The following MILR1 variants were observed in gnomAD, a reference collection of about 807,000 sequenced individuals.
MILR1 encodes mast cell immunoglobulin like receptor 1.
In MILR1, 31 loss-of-function variants were observed where a neutral mutation model predicts 18.5. The ratio of observed to expected loss-of-function variants is 1.68; its 90% CI spans 1.26 to 2.26. The LOEUF (loss-of-function observed/expected upper bound fraction) is 2.26. MILR1 is among the 30% of genes most tolerant of loss of function. MILR1 has a pLI of 0.00. For missense variants in MILR1, 257 were observed against 157.4 expected (o/e 1.63, Z -3.38); for synonymous variants, 85 against 56.2 (o/e 1.51, Z -2.30).
chr17:64,486,361 C>CTTTTTT, the MILR1 span, among the ~76,000 whole-genome samples: 13 of 141,264 alleles, frequency 9.2e-5, no homozygotes, highest in South Asian at 2.3e-4. Flanking sequence ...AAAGGTAACA[C>CTTTTTT]TTTTTTTTTT....
At chr17:64,473,286 G>C (rs2037717844), downstream of MILR1, among the ~76,000 whole-genome samples, 1 of 151,442 alleles carries the variant, frequency 6.6e-6, no homozygotes, top group African/African-American at 2.4e-5. Flanking sequence ...GGGAGGCGGA[G>C]CTTGCAGTGA....
intron 5 of MILR1, among the ~76,000 whole-genome samples, chr17:64,462,402 A>G (rs1326211169): frequency 3.3e-5 from 5 of 152,144 alleles, no homozygotes; most frequent in African/African-American, 1.2e-4. Context: ...GGGCGCTGCA[A>G]GTGGTGCGGC....
chr17:64,471,359 G>A (rs12600476), downstream of MILR1, among the ~76,000 whole-genome samples: 185 of 152,130 alleles, frequency 1.2e-3, 2 homozygotes, highest in East Asian at 2.9e-3. Flanking sequence ...TTATCCACTG[G>A]TGTCCAACGC....
the MILR1 span, among the ~76,000 whole-genome samples, chr17:64,475,095 A>C: frequency 6.6e-6 from 1 of 151,122 alleles, no homozygotes; most frequent in Non-Finnish European, 1.5e-5. Context: ...AGGCTGAGGC[A>C]GGGAGGCTTT....
At chr17:64,488,744 T>C in the MILR1 span, among the ~76,000 whole-genome samples, 8 of 152,256 alleles carry the variant, frequency 5.3e-5, no homozygotes, top group South Asian at 1.0e-3. Flanking sequence ...TTCTAGTTTT[T>C]CATTAGTTAT....
rs1182878711 is a variant in MILR1 at position 64,466,487 on chromosome 17, C to T, written c.899C>T (p.Thr300Ile). ...GTGGGATCCAGGCCGTGTGTTTCCA[C>T]AGCCCAAGATGGTGAGCATGTTCTG... is the stretch of plus-strand genomic sequence containing the variant. ...PEVGSRPCVSTAQDEAKHSQE... is the reference protein window; with the variant it reads ...PEVGSRPCVSIAQDEAKHSQE... The change falls in exon 7 of 10, where the codon ACA (threonine) becomes ATA (isoleucine). Residue 300 changes from threonine (T) to isoleucine (I), a missense_variant. By Grantham distance (89) the Thr-to-Ile change is moderately conservative. Transcript: ENST00000619286. 8 of 1,613,688 alleles carry T rather than the reference C, an allele frequency of 5.0e-6. No individual in the cohort carries two copies. The African/African-American group carries it at 5.3e-5, about 11-fold the overall frequency.
chr17:64,466,432 C>A lies in MILR1; in HGVS notation c.854-10C>A. On this transcript the variant is annotated splice_polypyrimidine_tract_variant and intron_variant, in intron 6 of 9. Coordinates refer to ENST00000619286, the MANE Select transcript of MILR1 (RefSeq NM_001085423.2). ...ACCAACCCCCAATTTATGTCATTCT[C>A]ATTTTACAGAGGAGGAATCTGTGCC... is the stretch of plus-strand genomic sequence containing the variant. 6.2e-7 allele frequency: 1 copy of A among 1,612,546 alleles called. No individual in the cohort carries two copies.
chr17:64,483,721 CTT>C, the MILR1 span, among the ~76,000 whole-genome samples: 4 of 137,218 alleles, frequency 2.9e-5, no homozygotes, highest in Admixed American at 1.5e-4. Flanking sequence ...ATGAAATTTG[CTT>C]TTTTTTTTTT....
chr17:64,464,378 G>T (rs928919903), intron 5 of MILR1, among the ~76,000 whole-genome samples: 1 of 151,054 alleles, frequency 6.6e-6, no homozygotes, highest in African/African-American at 2.4e-5. Flanking sequence ...CCAAAGTGCT[G>T]GGATTACAGT....
At chr17:64,462,364 G>C (rs2037450700) in intron 5 of MILR1, among the ~76,000 whole-genome samples, 1 of 152,104 alleles carries the variant, frequency 6.6e-6, no homozygotes, top group Admixed American at 6.6e-5. Flanking sequence ...ACAAGTTTAA[G>C]GCCTGTGAAC....
chr17:64,490,883 G>C, the MILR1 span: 49 of 1,613,520 alleles, frequency 3.0e-5, no homozygotes, highest in East Asian at 1.0e-3. Flanking sequence ...CCTTTCCCCA[G>C]GGAAAATTGT....
At chr17:64,472,253 G>T (rs149953229), downstream of MILR1, among the ~76,000 whole-genome samples, 1,696 of 152,016 alleles carry the variant, frequency 0.011, 30 homozygotes, top group African/African-American at 0.039. Flanking sequence ...GATCACCTGA[G>T]GTTGGGAGTT....
At chr17:64,473,362 AAAAAG>A (rs1555664975), downstream of MILR1, among the ~76,000 whole-genome samples, 1 of 146,232 alleles carries the variant, frequency 6.8e-6, no homozygotes. Flanking sequence ...AAAAAAAAAA[AAAAAG>A]AAGAAGTTAT....
chr17:64,465,809 A>G (rs1269872597), intron 6 of MILR1, among the ~76,000 whole-genome samples: 1 of 152,124 alleles, frequency 6.6e-6, no homozygotes, highest in Non-Finnish European at 1.5e-5. Flanking sequence ...TTTTCATGTA[A>G]CAACGTATCT....
the MILR1 span, chr17:64,480,390 C>T: frequency 6.8e-7 from 1 of 1,480,974 alleles, no homozygotes; most frequent in Non-Finnish European, 9.4e-7. Context: ...CTTGACAAAC[C>T]TAGAAAGAAA....
At chr17:64,468,979 T>C (rs990671340), downstream of MILR1, among the ~76,000 whole-genome samples, 18 of 151,688 alleles carry the variant, frequency 1.2e-4, no homozygotes, top group East Asian at 2.0e-4. Context: ...TCCATCTACT[T>C]AGGAGGCTGA....
Position 64,467,554 on chromosome 17 carries a change from T to C in MILR1, c.980-11T>C, listed in dbSNP as rs1555663676. 1 of 1,481,800 alleles carries C rather than the reference T, an allele frequency of 6.7e-7. No individual in the cohort carries two copies. 91.8% of individuals were successfully genotyped at this position (1,481,800 alleles called of 1,614,324 possible). The stretch of plus-strand genomic sequence containing the variant: ...TATCCTAAGTAAATTATTTTCCCTT[T>C]TATATTTCAGAAGCCTGTGATTCTT... On this transcript the variant is annotated splice_polypyrimidine_tract_variant and intron_variant, in intron 8 of 9. Coordinates refer to ENST00000619286, the MANE Select transcript of MILR1 (RefSeq NM_001085423.2).
In MILR1 at chr17:64,453,109, C is replaced by T. The variant is rs1457584453; in HGVS notation, c.367+243C>T. On this transcript the variant is annotated intron_variant, in intron 3 of 9. Coordinates refer to ENST00000619286, the MANE Select transcript of MILR1 (RefSeq NM_001085423.2). The stretch of plus-strand genomic sequence containing the variant: ...TTTGAAACAGAGTCTCACTCAGTTG[C>T]CCAGGCTGGAGTACAGTGGTGAAAT... 6.0e-5 allele frequency among the ~76,000 whole-genome samples: 9 copies of T among 149,936 alleles called. No individual in the cohort carries two copies. The South Asian group carries it at 1.7e-3, about 28-fold the overall frequency.
chr17:64,453,782 A>G (rs1374608526), intron 3 of MILR1, among the ~76,000 whole-genome samples: 1 of 152,082 alleles, frequency 6.6e-6, no homozygotes. Context: ...GGAGGAGAGA[A>G]GGCTTCTAGG....
Sources: allele counts gnomAD v4.1 joint callset (sites outside exome capture counted in the v4.1 genomes callset), GRCh38; gene constraint gnomAD v4.1.1; transcripts MANE v1.5; gene names NCBI Gene and HGNC (gene_info 2026-07-23, HGNC 2026-07-21).